STIMATE: variants seen among roughly 807,000 people sequenced by gnomAD.
STIMATE encodes STIM activating enhancer.
In STIMATE, 15 loss-of-function variants were observed where a neutral mutation model predicts 36.7. That is an observed-to-expected ratio of 0.41 (90% CI 0.27 to 0.63). STIMATE has a LOEUF of 0.63. STIMATE is among the 20% of genes least tolerant of loss of function. The probability of loss-of-function intolerance (pLI) is 0.32; values close to 1 mark genes in which losing one functional copy is unlikely to be tolerated. For missense variants in STIMATE, 305 were observed against 397.3 expected (o/e 0.77, Z 1.98); for synonymous variants, 163 against 162.3 (o/e 1.00, Z -0.03).
At chr3:52,863,053 G>A (rs1701243351) in intron 1 of STIMATE, among the ~76,000 whole-genome samples, 1 of 152,206 alleles carries the variant, frequency 6.6e-6, no homozygotes, top group Admixed American at 6.5e-5. Flanking sequence ...CTTGACTCTG[G>A]ACTTGGGGCC....
At chr3:52,856,736 G>T (rs1701105080) in intron 1 of STIMATE, among the ~76,000 whole-genome samples, 1 of 152,168 alleles carries the variant, frequency 6.6e-6, no homozygotes, top group South Asian at 2.1e-4. Flanking sequence ...GCAGACAGTG[G>T]ATGTCTGGGC....
At chr3:52,866,086 C>T (rs1260558135) in intron 1 of STIMATE, among the ~76,000 whole-genome samples, 1 of 152,170 alleles carries the variant, frequency 6.6e-6, no homozygotes, top group Non-Finnish European at 1.5e-5. Flanking sequence ...CTACCTCTGC[C>T]TGTGTGGGCC....
chr3:52,868,796 A>C (rs1190039705), intron 1 of STIMATE, among the ~76,000 whole-genome samples: 2 of 151,998 alleles, frequency 1.3e-5, no homozygotes, highest in African/African-American at 4.8e-5. Context: ...CTAATTCTGT[A>C]TTTTTGGTAG....
At chr3:52,892,174 T>C (rs993658252) in intron 1 of STIMATE, among the ~76,000 whole-genome samples, 2 of 152,194 alleles carry the variant, frequency 1.3e-5, no homozygotes, top group African/African-American at 2.4e-5. Flanking sequence ...AGCAGAAGCA[T>C]GAGAGGCCCC....
chr3:52,895,870 C>A, intron 1 of STIMATE: 4 of 1,287,622 alleles, frequency 3.1e-6, no homozygotes, highest in Non-Finnish European at 4.1e-6. Flanking sequence ...GTATGAAGAT[C>A]CACTCACCAT....
intron 1 of STIMATE, among the ~76,000 whole-genome samples, chr3:52,881,373 G>C (rs917724452): frequency 6.6e-6 from 1 of 152,106 alleles, no homozygotes; most frequent in Admixed American, 6.6e-5. Flanking sequence ...CTGGATGACA[G>C]GTTTGCTGGT....
At chr3:52,878,446 T>C (rs906269425) in intron 1 of STIMATE, among the ~76,000 whole-genome samples, 16 of 151,786 alleles carry the variant, frequency 1.1e-4, no homozygotes, top group African/African-American at 3.6e-4. Context: ...CCTATGGTCC[T>C]GGCTGTATCA....
rs1039485641 is a variant in STIMATE, at chr3:52,843,872, C to T, written c.541-74G>A. 18 of 1,596,734 alleles carry T rather than the reference C, an allele frequency of 1.1e-5. No homozygotes were observed. In the Admixed American group the frequency reaches 2.4e-4, roughly 21 times the overall value. On this transcript the variant is annotated intron_variant, in intron 5 of 7. Coordinates refer to ENST00000355083, the MANE Select transcript of STIMATE (RefSeq NM_198563.5). ...GTGCCTGGGGTGGGTGGGTGGTACC[C>T]ATAGGCCCTGAGGGAGCCTTAGCTT...
chr3:52,891,788 T>A (rs1000142464), intron 1 of STIMATE, among the ~76,000 whole-genome samples: 5 of 152,178 alleles, frequency 3.3e-5, no homozygotes, highest in Admixed American at 6.5e-5. Context: ...ATAAGTTACT[T>A]AAGCACTTGT....
Position 52,847,598 on chromosome 3 carries a change from T to C in STIMATE, c.427+2194A>G, listed in dbSNP as rs1396615749. 4.1e-6 allele frequency: 5 copies of C among 1,227,010 alleles called. No individual in the cohort carries two copies. The Admixed American group carries it at 1.0e-4, about 26-fold the overall frequency. 76.0% of individuals were successfully genotyped at this position (1,227,010 alleles called of 1,614,324 possible). ...TAGAAAAATAAGCCCCTCTTCTTCA[T>C]TTACATGAGAAGAGAGCTGTGGTAC... On this transcript the variant is annotated intron_variant, in intron 4 of 7. Transcript: ENST00000355083.
chr3:52,858,327 T>C (rs1225461969), intron 1 of STIMATE, among the ~76,000 whole-genome samples: 1 of 152,186 alleles, frequency 6.6e-6, no homozygotes, highest in Admixed American at 6.5e-5. Flanking sequence ...AAGAATGAAC[T>C]AGTGTAACCA....
intron 1 of STIMATE, among the ~76,000 whole-genome samples, chr3:52,883,898 A>T (rs1410180444): frequency 6.6e-6 from 1 of 152,134 alleles, no homozygotes; most frequent in Non-Finnish European, 1.5e-5. Context: ...GTCTATTAAT[A>T]TTAGCTGATT....
Position 52,837,452 on chromosome 3 carries a change from G to A in STIMATE, c.*3042C>T, listed in dbSNP as rs1273497552. 1 of 152,238 alleles carries A rather than the reference G, an allele frequency of 6.6e-6. No homozygotes were observed. Among genetic ancestry groups the A allele is most frequent in the Non-Finnish European group, 1.5e-5 (1 of 68,060 alleles). 9.4% of individuals were successfully genotyped at this position (152,238 alleles called of 1,614,324 possible). A position where few individuals can be genotyped will look rare whatever the true frequency, so the allele number is the denominator to read the frequency against. On this transcript the variant is annotated 3_prime_UTR_variant, in exon 8 of 8. Transcript: ENST00000355083. The stretch of plus-strand genomic sequence containing the variant: ...GCTTGAGGAAGGAGGCCACCAGCAC[G>A]GCTGAGGGGCCACAGACCCTCCTCT...
Position 52,873,061 on chromosome 3 carries a change from T to C in STIMATE, c.161-17617A>G, listed in dbSNP as rs145475290. Among the ~76,000 whole-genome samples, 1,128 of 152,336 alleles carry C rather than the reference T, an allele frequency of 7.4e-3. 13 individuals carry two copies. The highest frequency in any genetic ancestry group is 0.025 in the African/African-American group (1,050 of 41,574). On this transcript the variant is annotated intron_variant, in intron 1 of 7. Transcript: ENST00000355083. ...TTTAGCCAGCTTTAATCCTGCTCCA[T>C]GGAGGTTTGGCCGAAGGCTGAGAAA...
At chr3:52,844,744 C>T (rs2106653011) in intron 5 of STIMATE, 85 bp downstream of exon 5, 1 of 1,516,470 alleles carries the variant, frequency 6.6e-7, no homozygotes, top group Non-Finnish European at 9.1e-7. Flanking sequence ...TTTGGTTTTC[C>T]TAGAGTTGGC....
intron 1 of STIMATE, among the ~76,000 whole-genome samples, chr3:52,887,632 C>A (rs754923431): frequency 6.6e-6 from 1 of 152,186 alleles, no homozygotes; most frequent in Non-Finnish European, 1.5e-5. Context: ...TGAGACAGTG[C>A]CTCTCCTACC....
rs564698343 is a variant in STIMATE, at chr3:52,875,394, T to C, written c.161-19950A>G. 4.3e-4 allele frequency among the ~76,000 whole-genome samples: 65 copies of C among 152,204 alleles called. 1 individual carries two copies. The South Asian group carries it at 0.013, about 31-fold the overall frequency. ...TGGCCAGCCCCACCACAGAAGCTCA[T>C]CCTCAGCTCAAGCAGCACAGACATT... On this transcript the variant is annotated intron_variant, in intron 1 of 7. Coordinates refer to ENST00000355083, the MANE Select transcript of STIMATE (RefSeq NM_198563.5).
intron 1 of STIMATE, among the ~76,000 whole-genome samples, chr3:52,872,272 C>CT (rs578255197): frequency 8.5e-5 from 13 of 152,326 alleles, no homozygotes; most frequent in African/African-American, 2.9e-4. Context: ...ATTCCTAGCA[C>CT]TTAGAGGGAG....
intron 1 of STIMATE, among the ~76,000 whole-genome samples, chr3:52,858,010 C>G (rs1201438878): frequency 6.6e-6 from 1 of 152,110 alleles, no homozygotes. Flanking sequence ...AAGAAAAGAC[C>G]ATGCAAGAAC....
Sources: allele counts gnomAD v4.1 joint callset (sites outside exome capture counted in the v4.1 genomes callset), GRCh38; gene constraint gnomAD v4.1.1; transcripts MANE v1.5; gene names NCBI Gene and HGNC (gene_info 2026-07-23, HGNC 2026-07-21).